POFUT3: variants seen among roughly 807,000 people sequenced by gnomAD.
POFUT3 encodes GDP-fucose protein O-fucosyltransferase 3.
the POFUT3 span, among the ~76,000 whole-genome samples, chr8:33,334,159 T>A: frequency 1.8e-4 from 28 of 152,164 alleles, no homozygotes; most frequent in Non-Finnish European, 3.4e-4. Flanking sequence ...CATACACTAG[T>A]GCTTCTCACA....
chr8:33,453,594 CT>C, the POFUT3 span: 1 of 1,207,996 alleles, frequency 8.3e-7, no homozygotes, highest in Non-Finnish European at 1.2e-6. Context: ...GATTTAGCCC[CT>C]GACTCGTTTT....
At chr8:33,398,757 C>A in the POFUT3 span, among the ~76,000 whole-genome samples, 1 of 152,148 alleles carries the variant, frequency 6.6e-6, no homozygotes, top group South Asian at 2.1e-4. Context: ...CTTCCCTAAG[C>A]TCCCTTTCAT....
chr8:33,455,903 G>GAA, the POFUT3 span: 1,139 of 374,162 alleles, frequency 3.0e-3, no homozygotes, highest in South Asian at 4.0e-3. Context: ...GGCCAAAAAA[G>GAA]AAAAAAAAAA....
the POFUT3 span, among the ~76,000 whole-genome samples, chr8:33,320,315 A>G: frequency 6.6e-6 from 1 of 152,076 alleles, no homozygotes; most frequent in Non-Finnish European, 1.5e-5. Flanking sequence ...AATGATAATG[A>G]GATAATATTC....
the POFUT3 span, among the ~76,000 whole-genome samples, chr8:33,414,293 G>C: frequency 6.6e-6 from 1 of 151,882 alleles, no homozygotes; most frequent in African/African-American, 2.4e-5. Flanking sequence ...GTGAACTTCT[G>C]TCCCTCACCT....
At chr8:33,358,782 T>C in the POFUT3 span, among the ~76,000 whole-genome samples, 3 of 151,782 alleles carry the variant, frequency 2.0e-5, no homozygotes, top group African/African-American at 7.3e-5. Context: ...GCAGGAAGAT[T>C]GCCTGAGCTC....
the POFUT3 span, among the ~76,000 whole-genome samples, chr8:33,358,265 T>C: frequency 6.6e-6 from 1 of 151,968 alleles, no homozygotes; most frequent in Non-Finnish European, 1.5e-5. Flanking sequence ...AAATAAATAA[T>C]AAATAAATTT....
At chr8:33,455,643 T>C in the POFUT3 span, 2 of 286,728 alleles carry the variant, frequency 7.0e-6, no homozygotes, top group Non-Finnish European at 7.0e-6. Context: ...ATGAAACAAA[T>C]ACAGCGTTAA....
the POFUT3 span, among the ~76,000 whole-genome samples, chr8:33,403,466 A>G: frequency 6.6e-6 from 1 of 152,186 alleles, no homozygotes; most frequent in Non-Finnish European, 1.5e-5. Flanking sequence ...CTGTAATCCC[A>G]GTACTTTGGG....
At chr8:33,414,357 T>C in the POFUT3 span, among the ~76,000 whole-genome samples, 1 of 152,180 alleles carries the variant, frequency 6.6e-6, no homozygotes, top group African/African-American at 2.4e-5. Context: ...CACTGTTCTT[T>C]CAGTTCATTC....
chr8:33,453,772 C>T, the POFUT3 span, among the ~76,000 whole-genome samples: 5 of 151,958 alleles, frequency 3.3e-5, no homozygotes, highest in Non-Finnish European at 7.4e-5. Flanking sequence ...ATAGTGAAAC[C>T]CCGACTCTAC....
chr8:33,413,217 G>A, the POFUT3 span, among the ~76,000 whole-genome samples: 8 of 152,230 alleles, frequency 5.3e-5, no homozygotes, highest in African/African-American at 1.7e-4. Flanking sequence ...TAATGTCTTT[G>A]TACTGAGAGG....
chr8:33,351,035 G>C, the POFUT3 span, among the ~76,000 whole-genome samples: 2 of 152,084 alleles, frequency 1.3e-5, no homozygotes, highest in African/African-American at 4.8e-5. Flanking sequence ...GAGTGCAGTG[G>C]CACGATCTCG....
chr8:33,418,585 G>C, the POFUT3 span, among the ~76,000 whole-genome samples: 1 of 152,050 alleles, frequency 6.6e-6, no homozygotes, highest in Non-Finnish European at 1.5e-5. Flanking sequence ...TTACAGGCGT[G>C]AGTCACCAAG....
chr8:33,315,475 T>G, the POFUT3 span, among the ~76,000 whole-genome samples: 24 of 152,134 alleles, frequency 1.6e-4, no homozygotes, highest in African/African-American at 5.3e-4. Context: ...GGCTACTCTC[T>G]TCCCTCAATC....
At chr8:33,451,068 G>A in the POFUT3 span, among the ~76,000 whole-genome samples, 1 of 148,836 alleles carries the variant, frequency 6.7e-6, no homozygotes, top group Non-Finnish European at 1.5e-5. Flanking sequence ...GGAGGTGTAT[G>A]TGTGTGTGTG....
chr8:33,432,990 T>C, the POFUT3 span, among the ~76,000 whole-genome samples: 1 of 152,148 alleles, frequency 6.6e-6, no homozygotes, highest in Non-Finnish European at 1.5e-5. Flanking sequence ...TACCAGCACT[T>C]TGGGAGGCCG....
At chr8:33,441,407 G>T in the POFUT3 span, among the ~76,000 whole-genome samples, 3 of 135,786 alleles carry the variant, frequency 2.2e-5, no homozygotes, top group Non-Finnish European at 3.1e-5. Context: ...TTGAGACAAG[G>T]TCTGGCTCTA....
the POFUT3 span, among the ~76,000 whole-genome samples, chr8:33,358,861 C>T: frequency 1.4e-3 from 216 of 151,980 alleles, 3 homozygotes; most frequent in Non-Finnish European, 1.7e-3. Context: ...GAAGGAGACC[C>T]CAGAGAAACT....
Sources: gnomAD v4.1 joint callset for allele counts (sites outside exome capture counted in the v4.1 genomes callset) on GRCh38, gnomAD v4.1.1 for gene constraint, MANE v1.5 for transcripts, NCBI Gene and HGNC (gene_info 2026-07-23, HGNC 2026-07-21) for gene names.